Variants in SLC6A15 observed in about 807,000 individuals in gnomAD.
SLC6A15 encodes solute carrier family 6 member 15.
A neutral mutation model predicts 68.5 loss-of-function variants in SLC6A15; 33 were observed. That is an observed-to-expected ratio of 0.48 (90% CI 0.37 to 0.64). The LOEUF (loss-of-function observed/expected upper bound fraction) is 0.64. SLC6A15 is among the 30% of genes least tolerant of loss of function. The pLI is 0.00. For synonymous variants in SLC6A15, 347 were observed against 301.0 expected, an observed-to-expected ratio of 1.15 and a Z score of -1.58; for missense variants, 747 against 874.3, an observed-to-expected ratio of 0.85 and a Z score of 1.84.
At chr12:84,896,341 G>A (rs1872639248) in intron 1 of SLC6A15, among the ~76,000 whole-genome samples, 1 of 151,734 alleles carries the variant, frequency 6.6e-6, no homozygotes, top group South Asian at 2.1e-4. Context: ...ATTGCTCATG[G>A]ACCAAATACA....
At chr12:84,911,958 G>A (rs547937641) in intron 1 of SLC6A15, 12 of 151,256 alleles carry the variant, frequency 7.9e-5, no homozygotes, top group African/African-American at 3.0e-4. Context: ...GGGGAACTGT[G>A]GTCACGTGAA....
Position 84,860,749 on chromosome 12 carries a change from A to G in SLC6A15, c.*883T>C, listed in dbSNP as rs1203894848. The G allele has an allele frequency of 6.6e-6, 1 of 152,166 alleles. No homozygotes were observed. The highest frequency in any genetic ancestry group is 1.9e-4 in the East Asian group (1 of 5,200). The allele number at this position is 152,166 out of a possible 1,614,324, so 9.4% of individuals were successfully genotyped here. A position where few individuals can be genotyped will look rare whatever the true frequency, so the allele number is the denominator to read the frequency against. On this transcript the variant is annotated 3_prime_UTR_variant, in exon 12 of 12. Transcript: ENST00000266682. ...TATATTTGCATAAAACAGAAGCAAAACAGAAATATATTAATTAAAATGCCA... is the reference window on the plus strand; with the variant it reads ...TATATTTGCATAAAACAGAAGCAAAGCAGAAATATATTAATTAAAATGCCA...
At chr12:84,878,515 CT>C (rs1181534885) in intron 5 of SLC6A15, among the ~76,000 whole-genome samples, 1 of 151,998 alleles carries the variant, frequency 6.6e-6, no homozygotes, top group African/African-American at 2.4e-5. Flanking sequence ...CTCAAATGTA[CT>C]GCTTTATAAA....
In SLC6A15 at chr12:84,860,153, C is replaced by T. The variant is rs915158534; in HGVS notation, c.*1479G>A. 6.6e-6 allele frequency: 1 copy of T among 152,016 alleles called. No individual in the cohort carries two copies. Among genetic ancestry groups the T allele is most frequent in the Non-Finnish European group, 1.5e-5 (1 of 67,916 alleles). The allele number at this position is 152,016 out of a possible 1,614,324, so 9.4% of individuals were successfully genotyped here. ...ACCATTTATTAACATCTATCTATAG[C>T]AGAGCGAGAATACTGGCTGAAATAA... On this transcript the variant is annotated 3_prime_UTR_variant, in exon 12 of 12. Transcript: ENST00000266682.
In SLC6A15 at chr12:84,884,466, G is replaced by A. The variant is rs190160034; in HGVS notation, c.575-426C>T. Among the ~76,000 whole-genome samples, 301 of 151,716 alleles carry A rather than the reference G, an allele frequency of 2.0e-3. 2 individuals are homozygous for A. The highest frequency in any genetic ancestry group is 3.2e-3 in the Non-Finnish European group (217 of 67,894). ...GATTATAGACACCCGCCACCAAACC[G>A]AGCTAATTTTTGTATTTTTAGTAGA... On this transcript the variant is annotated intron_variant, in intron 4 of 11. Transcript: ENST00000266682.
chr12:84,878,659 T>G (rs1284859608), intron 5 of SLC6A15, among the ~76,000 whole-genome samples: 1 of 152,064 alleles, frequency 6.6e-6, no homozygotes, highest in Non-Finnish European at 1.5e-5. Context: ...AATTTTATAT[T>G]TTATCTTTAT....
At position 84,885,517 on chromosome 12, in the gene SLC6A15, C is replaced by G; in HGVS notation, c.492G>C (p.Trp164Cys). The G allele has an allele frequency of 6.2e-7, 1 of 1,613,386 alleles. No individual in the cohort carries two copies. The highest frequency in any genetic ancestry group is 8.5e-7 in the Non-Finnish European group (1 of 1,179,658). ...AAGACTGAGAAAAATAAAACAAACT[C>G]CAGCCAATGATGACGTTGTAGTAGA... ...VALYYNVIIG[W>C]SLFYFSQSFQ... is the part of the protein sequence containing the mutation. The change falls in exon 4 of 12, where the codon TGG (tryptophan) becomes TGC (cysteine). Residue 164 changes from tryptophan to cysteine, a missense_variant. Coordinates refer to ENST00000266682, the MANE Select transcript of SLC6A15 (RefSeq NM_182767.6).
chr12:84,904,208 G>T (rs1419308958), intron 1 of SLC6A15, among the ~76,000 whole-genome samples: 7 of 114,730 alleles, frequency 6.1e-5, no homozygotes, highest in African/African-American at 3.0e-4. Context: ...GAGAGAAAGG[G>T]GGGAGGGGCG....
chr12:84,891,837 C>G lies in SLC6A15; in HGVS notation c.284G>C (p.Gly95Ala). ...CACTTAAAAAGATTACTTACCGCCC[C>G]CATTCTTCTGACATAGGTATGGAAA... ...WRFPYLCQKNGGGAYLLPYLI... is the reference protein window; with the variant it reads ...WRFPYLCQKNAGGAYLLPYLI... The change falls in exon 2 of 12, where the codon GGG becomes GCG. Residue 95 changes from glycine (G) to alanine (A), a missense_variant. Gly to Ala is a moderately conservative substitution (Grantham distance 60, BLOSUM62 0). Coordinates refer to ENST00000266682, the MANE Select transcript of SLC6A15 (RefSeq NM_182767.6). 6.2e-7 allele frequency: 1 copy of G among 1,610,806 alleles called. No homozygotes were observed. The highest frequency in any genetic ancestry group is 1.1e-5 in the South Asian group (1 of 90,640).
At chr12:84,877,518 TC>T (rs1382801293) in intron 5 of SLC6A15, among the ~76,000 whole-genome samples, 1 of 152,146 alleles carries the variant, frequency 6.6e-6, no homozygotes, top group African/African-American at 2.4e-5. Context: ...CCACCACTCT[TC>T]CCATGGAGCT....
intron 9 of SLC6A15, among the ~76,000 whole-genome samples, chr12:84,868,928 G>C (rs1871172568): frequency 6.6e-6 from 1 of 152,140 alleles, no homozygotes; most frequent in Non-Finnish European, 1.5e-5. Flanking sequence ...GCAGGATATG[G>C]ATTTTCATAT....
intron 5 of SLC6A15, chr12:84,881,322 G>C (rs1461463679): frequency 2.6e-6 from 1 of 386,180 alleles, no homozygotes; most frequent in Non-Finnish European, 3.5e-6. Flanking sequence ...TTCTTTGAAG[G>C]CTTACCACCA....
At position 84,885,418 on chromosome 12, in the gene SLC6A15, T is replaced by C. The variant is rs1872048671; in HGVS notation, c.574+17A>G. 6.2e-7 allele frequency: 1 copy of C among 1,605,306 alleles called. No homozygotes were observed. On this transcript the variant is annotated intron_variant, in intron 4 of 11. Coordinates refer to ENST00000266682, the MANE Select transcript of SLC6A15 (RefSeq NM_182767.6). ...ATAATGCTTAAATACCAAAACACTG[T>C]ATTATACATATCTTACAAGTGTGTG...
chr12:84,888,977 A>T (rs1307618287), intron 2 of SLC6A15, among the ~76,000 whole-genome samples: 1 of 152,116 alleles, frequency 6.6e-6, no homozygotes, highest in Non-Finnish European at 1.5e-5. Context: ...GCAAGCCACA[A>T]AACCTAGAAA....
intron 10 of SLC6A15, among the ~76,000 whole-genome samples, chr12:84,864,049 T>G (rs1464153135): frequency 6.6e-6 from 1 of 150,826 alleles, no homozygotes; most frequent in Non-Finnish European, 1.5e-5. Flanking sequence ...AATTATTACT[T>G]TTAGTAATAA....
At position 84,876,557 on chromosome 12, in the gene SLC6A15, G is replaced by A. The variant is rs755448269; in HGVS notation, c.807C>T (p.Leu269=). Residue 269 remains leucine, a synonymous_variant, in exon 6 of 12, where the codon CTC becomes CTT. Coordinates refer to ENST00000266682, the MANE Select transcript of SLC6A15 (RefSeq NM_182767.6). ...LFPYVVLICF[L]IRAFLLNGSI... is the part of the protein sequence containing the mutation. ...AACCATTTAAAAGGAATGCTCTGAT[G>A]AGGAAGCAAATAAGTACCACATATG... is the stretch of plus-strand genomic sequence containing the variant. 1.2e-4 allele frequency: 187 copies of A among 1,599,162 alleles called. No homozygotes were observed. The highest frequency in any genetic ancestry group is 2.5e-5 in the Non-Finnish European group (29 of 1,173,370).
In SLC6A15 at chr12:84,902,014, T is replaced by C. The variant is rs180852917; in HGVS notation, c.-188-9706A>G. On this transcript the variant is annotated intron_variant, in intron 1 of 11. Coordinates refer to ENST00000266682, the MANE Select transcript of SLC6A15 (RefSeq NM_182767.6). ...TTGTCACCGTATGCCAATTAGTTTA[T>C]AGTTATGGTATAATTATAGAGGAAA... Among the ~76,000 whole-genome samples, 494 of 151,994 alleles carry C rather than the reference T, an allele frequency of 3.3e-3. 5 individuals carry two copies. The highest frequency in any genetic ancestry group is 6.6e-3 in the South Asian group (32 of 4,824).
intron 2 of SLC6A15, among the ~76,000 whole-genome samples, chr12:84,887,522 C>A (rs1872171323): frequency 6.6e-6 from 1 of 152,046 alleles, no homozygotes; most frequent in Non-Finnish European, 1.5e-5. Context: ...TTGATTCTAA[C>A]AAAACTACAT....
At chr12:84,906,112 G>A (rs559013853) in intron 1 of SLC6A15, among the ~76,000 whole-genome samples, 27 of 151,998 alleles carry the variant, frequency 1.8e-4, no homozygotes, top group East Asian at 3.9e-4. Flanking sequence ...CAGAATACAC[G>A]GTAAACATAC....
Sources: gnomAD v4.1 joint callset for allele counts (sites outside exome capture counted in the v4.1 genomes callset) on GRCh38, gnomAD v4.1.1 for gene constraint, MANE v1.5 for transcripts, NCBI Gene and HGNC (gene_info 2026-07-23, HGNC 2026-07-21) for gene names.